GPBP1: variants seen among roughly 807,000 people sequenced by gnomAD.
GPBP1 encodes GC-rich promoter binding protein 1.
A neutral mutation model predicts 56.5 loss-of-function variants in GPBP1; 13 were observed. The ratio of observed to expected loss-of-function variants is 0.23; its 90% CI spans 0.15 to 0.37. The LOEUF (loss-of-function observed/expected upper bound fraction) is 0.37. Among genes scored for constraint, GPBP1 ranks in the 10% least tolerant of loss-of-function variants. The pLI is 1.00. For missense variants in GPBP1, 477 were observed against 572.3 expected (o/e 0.83, Z 1.70); for synonymous variants, 204 against 188.9 (o/e 1.08, Z -0.66).
intron 3 of GPBP1, among the ~76,000 whole-genome samples, chr5:57,224,683 G>A (rs1231880664): frequency 2.0e-5 from 3 of 152,092 alleles, no homozygotes; most frequent in Non-Finnish European, 4.4e-5. Context: ...CCAAAGCACT[G>A]GGATTATAGG....
At chr5:57,246,197 TAAA>T (rs11349725) in intron 6 of GPBP1, 100 bp from the exon 7 acceptor site, 1,291 of 684,998 alleles carry the variant, frequency 1.9e-3, no homozygotes, top group Admixed American at 0.013. Context: ...AGCTGTTAGT[TAAA>T]AAAAAAAAAA....
chr5:57,209,501 A>G (rs139889520), intron 2 of GPBP1, among the ~76,000 whole-genome samples: 3 of 152,212 alleles, frequency 2.0e-5, no homozygotes, highest in Middle Eastern at 3.4e-3. Context: ...CCTAGTTGCT[A>G]TGGTTAGAAC....
chr5:57,189,237 G>C (rs987717970), intron 2 of GPBP1, among the ~76,000 whole-genome samples: 1 of 152,216 alleles, frequency 6.6e-6, no homozygotes, highest in Non-Finnish European at 1.5e-5. Context: ...TCATGCCTCA[G>C]TCTACTGAGT....
intron 10 of GPBP1, among the ~76,000 whole-genome samples, chr5:57,257,077 A>G (rs1741698256): frequency 6.6e-6 from 1 of 151,714 alleles, no homozygotes; most frequent in Non-Finnish European, 1.5e-5. Context: ...CTTGTCACAC[A>G]GGCTGGAGTA....
chr5:57,247,716 A>T (rs76746598), intron 8 of GPBP1, among the ~76,000 whole-genome samples: 16,472 of 151,838 alleles, frequency 0.11, 976 homozygotes, highest in African/African-American at 0.13. Context: ...ATGGGGGGGA[A>T]TTCCAAACAT....
At chr5:57,200,049 T>TC (rs1491547005) in intron 2 of GPBP1, among the ~76,000 whole-genome samples, 6 of 95,798 alleles carry the variant, frequency 6.3e-5, no homozygotes, top group Admixed American at 1.3e-4. Flanking sequence ...TTTTTTTTTT[T>TC]CTGAAACAAG....
At chr5:57,204,204 A>G (rs1755134963) in intron 2 of GPBP1, among the ~76,000 whole-genome samples, 1 of 152,190 alleles carries the variant, frequency 6.6e-6, no homozygotes, top group African/African-American at 2.4e-5. Context: ...AAAGTTAAAC[A>G]CGTAACTCAA....
chr5:57,263,573 T>C lies in GPBP1; in HGVS notation c.*821T>C, dbSNP rs1171785373. 1 of 152,182 alleles carries C rather than the reference T, an allele frequency of 6.6e-6. No individual in the cohort carries two copies. The highest frequency in any genetic ancestry group is 1.5e-5 in the Non-Finnish European group (1 of 68,010). 9.4% of individuals were successfully genotyped at this position (152,182 alleles called of 1,614,324 possible). On this transcript the variant is annotated 3_prime_UTR_variant, in exon 12 of 12. Transcript: ENST00000506184. ...TCTGTCCACGACATGGAAAATAAAC[T>C]GGATTTTCAGAATATTGTTGTTTTC...
chr5:57,201,180 A>G (rs750797929), intron 2 of GPBP1, among the ~76,000 whole-genome samples: 8 of 151,874 alleles, frequency 5.3e-5, no homozygotes, highest in Non-Finnish European at 1.2e-4. Context: ...ATTGTTAGGT[A>G]TTTCTCTCTT....
At chr5:57,174,966 T>G (rs935789660) in intron 1 of GPBP1, among the ~76,000 whole-genome samples, 2 of 152,168 alleles carry the variant, frequency 1.3e-5, no homozygotes, top group African/African-American at 4.8e-5. Context: ...GGAATATGCC[T>G]CCTCTAGTAG....
rs1217197750 is a variant in GPBP1 at position 57,250,975 on chromosome 5, C to G, written c.994C>G (p.His332Asp). Residue 332 changes from histidine to aspartate, a missense_variant, in exon 10 of 12, where the codon CAT becomes GAT. This residue lies in a region of GPBP1 where 414 missense variants were observed against 458.2 expected (regional missense o/e 0.90). Coordinates refer to ENST00000506184, the MANE Select transcript of GPBP1 (RefSeq NM_022913.4). ...TCAGGATGACGACTCATTTAATTTA[C>G]ATAACAGCAATAGTACTCACCAAGA... Reference protein sequence around the residue: ...SEKDDDSFNLHNSNSTHQERD... With the variant: ...SEKDDDSFNLDNSNSTHQERD... 6.4e-7 allele frequency: 1 copy of G among 1,568,138 alleles called. No homozygotes were observed.
chr5:57,190,960 ATGT>A (rs1173142114), intron 2 of GPBP1, among the ~76,000 whole-genome samples: 2 of 151,914 alleles, frequency 1.3e-5, no homozygotes, highest in African/African-American at 4.8e-5. Flanking sequence ...TAGGTAAAAC[ATGT>A]TGTCTTGAAC....
intron 2 of GPBP1, among the ~76,000 whole-genome samples, chr5:57,190,989 T>C (rs549775278): frequency 6.6e-5 from 10 of 152,176 alleles, no homozygotes; most frequent in East Asian, 1.9e-4. Flanking sequence ...GCAAAACATA[T>C]TGTCTTGAAC....
chr5:57,215,322 A>G (rs1019617466), intron 3 of GPBP1, among the ~76,000 whole-genome samples: 2 of 152,248 alleles, frequency 1.3e-5, no homozygotes, highest in Non-Finnish European at 2.9e-5. Flanking sequence ...GGTGCAGAGT[A>G]AAGGGTTTGT....
intron 2 of GPBP1, among the ~76,000 whole-genome samples, chr5:57,212,806 A>G (rs1251510741): frequency 6.6e-6 from 1 of 150,854 alleles, no homozygotes; most frequent in Non-Finnish European, 1.5e-5. Flanking sequence ...AGTAGCTGGG[A>G]TTACAGGCGC....
intron 2 of GPBP1, among the ~76,000 whole-genome samples, chr5:57,182,672 C>T (rs1293592528): frequency 1.3e-5 from 2 of 151,778 alleles, no homozygotes; most frequent in Admixed American, 6.6e-5. Context: ...CACTCGGCTT[C>T]TTCTCTTTAA....
intron 11 of GPBP1, among the ~76,000 whole-genome samples, chr5:57,262,183 T>C (rs146485561): frequency 5.4e-4 from 83 of 152,368 alleles, no homozygotes; most frequent in African/African-American, 1.9e-3. Context: ...AACTGTATTT[T>C]TTCTAGTATC....
chr5:57,244,414 A>G (rs1740988133), intron 6 of GPBP1, among the ~76,000 whole-genome samples: 1 of 152,362 alleles, frequency 6.6e-6, no homozygotes, highest in South Asian at 2.1e-4. Flanking sequence ...ACATTGAACT[A>G]GAAGTCTCTG....
intron 2 of GPBP1, among the ~76,000 whole-genome samples, chr5:57,197,812 T>G (rs1454476190): frequency 1.3e-5 from 2 of 150,986 alleles, no homozygotes; most frequent in Non-Finnish European, 3.0e-5. Context: ...TTATTCATAG[T>G]TTTTTTTTAA....
Sources: gnomAD v4.1 joint callset for allele counts (sites outside exome capture counted in the v4.1 genomes callset) on GRCh38, gnomAD v4.1.1 for gene constraint, gnomAD v4.1.1 regional missense constraint, MANE v1.5 for transcripts, NCBI Gene and HGNC (gene_info 2026-07-23, HGNC 2026-07-21) for gene names.